DUSP3: variants seen among roughly 807,000 people sequenced by gnomAD.
The protein encoded by DUSP3 is dual specificity protein phosphatase 3.
DUSP3 carries 7 observed loss-of-function variants against 15.5 expected under a neutral mutation model. The observed-to-expected ratio is 0.45, with a 90% CI of 0.26 to 0.85. The LOEUF is 0.85. Among genes scored for constraint, DUSP3 ranks in the 40% least tolerant of loss-of-function variants. The pLI is 0.18. For synonymous variants in DUSP3, 86 were observed against 104.2 expected, an observed-to-expected ratio of 0.83 and a Z score of 1.07; for missense variants, 209 against 251.7, an observed-to-expected ratio of 0.83 and a Z score of 1.15.
chr17:43,771,648 C>T (rs901350004), intron 2 of DUSP3, among the ~76,000 whole-genome samples: 2 of 152,140 alleles, frequency 1.3e-5, no homozygotes, highest in African/African-American at 4.8e-5. Flanking sequence ...ACTACAGCAG[C>T]CCTGGTCCTG....
intron 2 of DUSP3, among the ~76,000 whole-genome samples, chr17:43,774,426 T>A (rs1974360101): frequency 6.6e-6 from 1 of 152,074 alleles, no homozygotes; most frequent in East Asian, 1.9e-4. Flanking sequence ...TTACAGCTGT[T>A]TGAATGGGGG....
intron 1 of DUSP3, among the ~76,000 whole-genome samples, chr17:43,775,907 T>C (rs577669283): frequency 1.3e-5 from 2 of 152,212 alleles, no homozygotes; most frequent in East Asian, 1.9e-4. Context: ...TGTCAGGAGT[T>C]CGGGACCAGC....
At chr17:43,777,058 C>T (rs958101763) in intron 1 of DUSP3, among the ~76,000 whole-genome samples, 1 of 152,100 alleles carries the variant, frequency 6.6e-6, no homozygotes, top group Non-Finnish European at 1.5e-5. Context: ...CTGTAACCTC[C>T]ACCTCCCGTG....
chr17:43,774,730 C>T lies in DUSP3; in HGVS notation c.334G>A (p.Ala112Thr), dbSNP rs1974366264. 6 of 1,614,188 alleles carry T rather than the reference C, an allele frequency of 3.7e-6. No homozygotes were observed. In the East Asian group the frequency reaches 1.3e-4, roughly 36 times the overall value. ...FERAADFIDQ[A>T]LAQKNGRVLV... ...CCCTTACCATTCTTTTGAGCCAAAG[C>T]CTGGTCAATGAAGTCGGCAGCCCTT... is the stretch of plus-strand genomic sequence containing the variant. Residue 112 changes from alanine (A) to threonine (T), a missense_variant, in exon 2 of 3, where the codon GCT becomes ACT. By Grantham distance (58) the Ala-to-Thr change is moderately conservative. Transcript: ENST00000226004.
At position 43,769,549 on chromosome 17, in the gene DUSP3, G is replaced by A. The variant is rs1430360391; in HGVS notation, c.*60C>T. On this transcript the variant is annotated 3_prime_UTR_variant, in exon 3 of 3. Coordinates refer to ENST00000226004, the MANE Select transcript of DUSP3 (RefSeq NM_004090.4). ...GTGTGTTTCCTAAACATGGCAGCTC[G>A]GGACACCTTTGCCCACGGCCTCCCC... 20 of 1,589,104 alleles carry A rather than the reference G, an allele frequency of 1.3e-5. No homozygotes were observed. In the South Asian group the frequency reaches 1.4e-4, roughly 11 times the overall value.
At chr17:43,776,247 GA>G (rs899525612) in intron 1 of DUSP3, among the ~76,000 whole-genome samples, 12 of 152,236 alleles carry the variant, frequency 7.9e-5, no homozygotes, top group African/African-American at 2.7e-4. Flanking sequence ...CCTCCTGTGT[GA>G]TCTTGCTTGC....
chr17:43,769,883 T>C, intron 2 of DUSP3, 69 bp from the exon 3 acceptor site: 1 of 1,507,046 alleles, frequency 6.6e-7, no homozygotes, highest in Non-Finnish European at 9.1e-7. Flanking sequence ...GTCAAGACTC[T>C]TCCGTGAAGT....
intron 1 of DUSP3, chr17:43,777,644 C>T (rs1452970184): frequency 2.3e-6 from 1 of 436,824 alleles, no homozygotes; most frequent in Non-Finnish European, 4.6e-6. Flanking sequence ...CATCCTTGGG[C>T]TGAGCCATGA....
chr17:43,772,696 T>G (rs1420478272), intron 2 of DUSP3, among the ~76,000 whole-genome samples: 1 of 152,224 alleles, frequency 6.6e-6, no homozygotes, highest in African/African-American at 2.4e-5. Flanking sequence ...TCATTTGCAG[T>G]GTACCTACTA....
chr17:43,771,107 C>A (rs920883706), intron 2 of DUSP3, among the ~76,000 whole-genome samples: 2 of 151,264 alleles, frequency 1.3e-5, no homozygotes, highest in East Asian at 1.9e-4. Flanking sequence ...CTGCCGATAC[C>A]CAAATCCACA....
chr17:43,774,228 C>A, intron 2 of DUSP3: 1 of 263,906 alleles, frequency 3.8e-6, no homozygotes, highest in Non-Finnish European at 7.4e-6. Context: ...GTGACTGGAT[C>A]CCATCTTGGG....
intron 1 of DUSP3, among the ~76,000 whole-genome samples, 171 bp from the exon 2 acceptor site, chr17:43,775,109 T>G (rs537052454): frequency 9.2e-5 from 14 of 152,324 alleles, no homozygotes; most frequent in South Asian, 2.1e-4. Context: ...TCTGGCCATA[T>G]CGAATTGCCA....
intron 2 of DUSP3, among the ~76,000 whole-genome samples, chr17:43,770,974 G>A (rs906176777): frequency 2.8e-5 from 4 of 142,944 alleles, no homozygotes; most frequent in African/African-American, 7.8e-5. Flanking sequence ...TATAGTGTGT[G>A]TGTGCGTGTA....
intron 2 of DUSP3, among the ~76,000 whole-genome samples, chr17:43,772,971 C>T (rs962832323): frequency 1.3e-5 from 2 of 152,188 alleles, no homozygotes; most frequent in African/African-American, 2.4e-5. Context: ...GAATGAATAA[C>T]CAATTGCTAT....
intron 2 of DUSP3, among the ~76,000 whole-genome samples, chr17:43,772,462 C>A (rs1343640880): frequency 3.9e-5 from 6 of 152,152 alleles, no homozygotes; most frequent in African/African-American, 1.4e-4. Flanking sequence ...CCTCTAGGCT[C>A]AGCCCAGATG....
rs955025143 is a variant in DUSP3 at position 43,768,404 on chromosome 17, G to A, written c.*1205C>T. ...TAGAAAGTCTTTTGAAAGGTTTATC[G>A]TGTTTGGGTTTTTTTGCTCTACCAC... On this transcript the variant is annotated 3_prime_UTR_variant, in exon 3 of 3. Coordinates refer to ENST00000226004, the MANE Select transcript of DUSP3 (RefSeq NM_004090.4). The A allele has an allele frequency of 3.9e-5, 6 of 152,138 alleles. No homozygotes were observed. The highest frequency in any genetic ancestry group is 2.1e-4 in the South Asian group (1 of 4,830). The allele number at this position is 152,138 out of a possible 1,614,324, so 9.4% of individuals were successfully genotyped here.
At chr17:43,774,053 G>A (rs968669041) in intron 2 of DUSP3, 10 of 211,432 alleles carry the variant, frequency 4.7e-5, no homozygotes, top group Non-Finnish European at 8.6e-5. Flanking sequence ...TGGAGGTTGC[G>A]GTGAGCCAAG....
rs1359784872 is a variant in DUSP3 at position 43,774,703 on chromosome 17, G to A, written c.352+9C>T. On this transcript the variant is annotated intron_variant, in intron 2 of 2. Transcript: ENST00000226004. ...GCCTCCCATCTTTTCCTGGTGGGAG[G>A]TCCCTTACCATTCTTTTGAGCCAAA... The A allele has an allele frequency of 6.2e-7, 1 of 1,614,114 alleles. No individual in the cohort carries two copies.
chr17:43,776,143 AAAT>A (rs1339263978), intron 1 of DUSP3, among the ~76,000 whole-genome samples: 1 of 152,206 alleles, frequency 6.6e-6, no homozygotes, highest in African/African-American at 2.4e-5. Flanking sequence ...AATAAAATAA[AAAT>A]AATAATTGGT....
Sources: allele counts gnomAD v4.1 joint callset (sites outside exome capture counted in the v4.1 genomes callset), GRCh38; gene constraint gnomAD v4.1.1; transcripts MANE v1.5; gene names NCBI Gene and HGNC (gene_info 2026-07-23, HGNC 2026-07-21).